The following EPM2A variants were observed in gnomAD, a reference collection of about 807,000 sequenced individuals.
EPM2A encodes the protein laforin.
EPM2A carries 21 observed loss-of-function variants against 26.5 expected under a neutral mutation model. That is an observed-to-expected ratio of 0.79 (90% CI 0.56 to 1.14). The LOEUF (loss-of-function observed/expected upper bound fraction) is 1.14, where lower values mean the gene tolerates loss of function less well. EPM2A is among the 50% of genes most tolerant of loss of function. EPM2A has a pLI of 0.00. For synonymous variants in EPM2A, 217 were observed against 177.6 expected, an observed-to-expected ratio of 1.22 and a Z score of -1.76; for missense variants, 458 against 440.8, an observed-to-expected ratio of 1.04 and a Z score of -0.35.
chr6:145,559,416 G>T (rs1780774867), intron 2 of EPM2A, among the ~76,000 whole-genome samples: 1 of 152,008 alleles, frequency 6.6e-6, no homozygotes, highest in South Asian at 2.1e-4. Context: ...TCCTTTCTTA[G>T]ACTTGGTTTC....
chr6:145,531,965 C>T (rs1169613930), intron 2 of EPM2A, among the ~76,000 whole-genome samples: 1 of 152,214 alleles, frequency 6.6e-6, no homozygotes, highest in African/African-American at 2.4e-5. Context: ...AACAATGCGA[C>T]TGCTTGGCTG....
At chr6:145,603,808 A>G (rs1781447599) in intron 2 of EPM2A, among the ~76,000 whole-genome samples, 1 of 152,196 alleles carries the variant, frequency 6.6e-6, no homozygotes, top group Non-Finnish European at 1.5e-5. Context: ...TATGCCATTA[A>G]CTGGAAATTA....
chr6:145,625,738 A>G lies in EPM2A; in HGVS notation c.*1678T>C. On this transcript the variant is annotated 3_prime_UTR_variant, in exon 4 of 4. Coordinates refer to ENST00000367519, the MANE Select transcript of EPM2A (RefSeq NM_005670.4). ...CTGGCTAGCTGCCTCTGCCCAAAGC[A>G]AATGTCATCTCCCCTAAGTGCCACA... 1 of 948,090 alleles carries G rather than the reference A, an allele frequency of 1.1e-6. No homozygotes were observed. The highest frequency in any genetic ancestry group is 1.7e-6 in the Non-Finnish European group (1 of 573,864). 58.7% of individuals were successfully genotyped at this position (948,090 alleles called of 1,614,324 possible).
chr6:145,703,176 CT>C (rs755196508), intron 1 of EPM2A, among the ~76,000 whole-genome samples: 4 of 150,556 alleles, frequency 2.7e-5, no homozygotes, highest in Admixed American at 6.6e-5. Flanking sequence ...ACTGCAAGCT[CT>C]GCCTCCTGGG....
chr6:145,691,009 T>G (rs989438413), intron 1 of EPM2A, among the ~76,000 whole-genome samples: 1 of 149,166 alleles, frequency 6.7e-6, no homozygotes, highest in Admixed American at 6.7e-5. Context: ...TAGGGACTTG[T>G]GGTACTATTA....
At chr6:145,479,270 C>CTATATA (rs560964697) in intron 4 of EPM2A, among the ~76,000 whole-genome samples, 2 of 143,904 alleles carry the variant, frequency 1.4e-5, no homozygotes, top group Admixed American at 7.0e-5. Flanking sequence ...GCCATTTTAA[C>CTATATA]TATATATATA....
At chr6:145,413,404 T>C (rs1406527861) in intron 4 of EPM2A, among the ~76,000 whole-genome samples, 3 of 152,210 alleles carry the variant, frequency 2.0e-5, no homozygotes, top group Non-Finnish European at 2.9e-5. Context: ...ATTATCACCA[T>C]ACCCTGTAAA....
chr6:145,511,275 C>T (rs538113557), intron 2 of EPM2A, among the ~76,000 whole-genome samples: 1 of 152,038 alleles, frequency 6.6e-6, no homozygotes, highest in Non-Finnish European at 1.5e-5. Context: ...ATCATCCTGA[C>T]GTCAAAATCT....
At chr6:145,460,550 G>A (rs572929993) in intron 4 of EPM2A, among the ~76,000 whole-genome samples, 1 of 152,244 alleles carries the variant, frequency 6.6e-6, no homozygotes, top group African/African-American at 2.4e-5. Context: ...TCAATACAAA[G>A]TTTGGGAATT....
At chr6:145,532,600 C>G (rs565972422) in intron 2 of EPM2A, among the ~76,000 whole-genome samples, 124 of 152,260 alleles carry the variant, frequency 8.1e-4, no homozygotes, top group Middle Eastern at 3.4e-3. Flanking sequence ...TGAGTCAGGG[C>G]CGTGGCTGCA....
intron 4 of EPM2A, among the ~76,000 whole-genome samples, chr6:145,436,553 C>A (rs1778992254): frequency 6.6e-6 from 1 of 152,030 alleles, no homozygotes; most frequent in Non-Finnish European, 1.5e-5. Context: ...TGTCGAGTGC[C>A]ATCTCTTTGT....
At chr6:145,444,051 T>C (rs1425491626) in intron 4 of EPM2A, among the ~76,000 whole-genome samples, 1 of 152,222 alleles carries the variant, frequency 6.6e-6, no homozygotes, top group African/African-American at 2.4e-5. Context: ...AATGGACTAA[T>C]GCACAGGAAT....
intron 2 of EPM2A, among the ~76,000 whole-genome samples, chr6:145,508,299 G>T (rs941305786): frequency 1.2e-4 from 18 of 152,316 alleles, no homozygotes; most frequent in African/African-American, 3.8e-4. Flanking sequence ...TGCTTTTCAT[G>T]CTTCTCCATT....
chr6:145,543,158 A>T (rs1273391784), intron 2 of EPM2A, among the ~76,000 whole-genome samples: 1 of 152,210 alleles, frequency 6.6e-6, no homozygotes, highest in Non-Finnish European at 1.5e-5. Context: ...GATTAAAAAG[A>T]TGAGCAATAT....
rs142677679 is a variant in EPM2A, at chr6:145,457,047, G to A, written c.555+45475C>T. Reference sequence around the variant, plus strand: ...TGATTGTTTATTATGTGCTAAGTGAGGTTTATGAGTTTAACATATATTAGC... The same window carrying A: ...TGATTGTTTATTATGTGCTAAGTGAAGTTTATGAGTTTAACATATATTAGC... On this transcript the variant is annotated intron_variant, in intron 4 of 4. Transcript: ENST00000638717. Among the ~76,000 whole-genome samples the A allele has an allele frequency of 7.9e-3, 1,207 of 152,290 alleles. 14 individuals are homozygous for A. The highest frequency in any genetic ancestry group is 0.027 in the African/African-American group (1,131 of 41,562).
intron 4 of EPM2A, among the ~76,000 whole-genome samples, chr6:145,467,650 T>C (rs1293069329): frequency 6.6e-6 from 1 of 152,190 alleles, no homozygotes; most frequent in Non-Finnish European, 1.5e-5. Flanking sequence ...TAAGATTTTA[T>C]ATGGGATTGC....
chr6:145,535,817 C>T (rs1482175284), intron 2 of EPM2A, among the ~76,000 whole-genome samples: 1 of 152,164 alleles, frequency 6.6e-6, no homozygotes, highest in Non-Finnish European at 1.5e-5. Flanking sequence ...TCTGATAATG[C>T]TCTTGGTAAG....
intron 4 of EPM2A, among the ~76,000 whole-genome samples, chr6:145,408,008 T>G (rs1168044966): frequency 6.6e-6 from 1 of 152,192 alleles, no homozygotes; most frequent in Non-Finnish European, 1.5e-5. Context: ...TTTTCATAAT[T>G]AAAAACATGA....
intron 2 of EPM2A, among the ~76,000 whole-genome samples, chr6:145,502,761 A>T (rs1178171969): frequency 1.3e-5 from 2 of 152,192 alleles, no homozygotes; most frequent in Non-Finnish European, 2.9e-5. Flanking sequence ...TCCCAAATAA[A>T]TCATGACTAT....
Sources: allele counts gnomAD v4.1 joint callset (sites outside exome capture counted in the v4.1 genomes callset), GRCh38; gene constraint gnomAD v4.1.1; transcripts MANE v1.5; gene names NCBI Gene and HGNC (gene_info 2026-07-23, HGNC 2026-07-21).